SLC6A6: variants seen among roughly 807,000 people sequenced by gnomAD.
SLC6A6 encodes sodium- and chloride-dependent taurine transporter.
SLC6A6 carries 16 observed loss-of-function variants against 68.8 expected under a neutral mutation model. That is an observed-to-expected ratio of 0.23 (90% CI 0.16 to 0.35). The LOEUF (loss-of-function observed/expected upper bound fraction) is 0.35, where lower values mean the gene tolerates loss of function less well. SLC6A6 is among the 10% of genes least tolerant of loss of function. SLC6A6 has a pLI of 1.00. For synonymous variants in SLC6A6, 312 were observed against 315.4 expected (o/e 0.99, Z 0.12); for missense variants, 474 against 802.8 (o/e 0.59, Z 4.95).
Position 14,452,471 on chromosome 3 carries a change from G to A in SLC6A6, c.599+4655G>A, listed in dbSNP as rs539807864. On this transcript the variant is annotated intron_variant, in intron 5 of 14. Coordinates refer to ENST00000622186, the MANE Select transcript of SLC6A6 (RefSeq NM_003043.6). ...GCAAAGCTTCCAGCCCTGGCATTCA[G>A]CACTGCATCCTGCCTCCAGCTAACC... Among the ~76,000 whole-genome samples, 18 of 152,328 alleles carry A rather than the reference G, an allele frequency of 1.2e-4. No individual in the cohort carries two copies. The East Asian group carries it at 3.3e-3, about 28-fold the overall frequency.
In SLC6A6 at chr3:14,486,857, C is replaced by G. The variant is rs1449827087; in HGVS notation, c.*1850C>G. ...GGCAGGCATACATATTTCACTGTTTCCAAAGCTATCTACTCTGCCAAACAA... is the reference window on the plus strand; with the variant it reads ...GGCAGGCATACATATTTCACTGTTTGCAAAGCTATCTACTCTGCCAAACAA... On this transcript the variant is annotated 3_prime_UTR_variant, in exon 15 of 15. Coordinates refer to ENST00000622186, the MANE Select transcript of SLC6A6 (RefSeq NM_003043.6). 6.6e-6 allele frequency: 1 copy of G among 152,194 alleles called. No individual in the cohort carries two copies. The highest frequency in any genetic ancestry group is 1.5e-5 in the Non-Finnish European group (1 of 68,038). The allele number at this position is 152,194 out of a possible 1,614,324, so 9.4% of individuals were successfully genotyped here.
At chr3:14,445,942 G>T in intron 4 of SLC6A6, 91 bp downstream of exon 4, 1 of 1,325,946 alleles carries the variant, frequency 7.5e-7, no homozygotes, top group Non-Finnish European at 1.1e-6. Flanking sequence ...GTCCATTGGA[G>T]CCTCATGCAC....
At chr3:14,425,037 G>A (rs774104214) in intron 2 of SLC6A6, among the ~76,000 whole-genome samples, 2 of 152,188 alleles carry the variant, frequency 1.3e-5, no homozygotes, top group African/African-American at 2.4e-5. Flanking sequence ...AAGAAGGGGC[G>A]GAGTCAAGGT....
In SLC6A6 at chr3:14,468,479, G is replaced by A; in HGVS notation, c.1096+267G>A. The stretch of plus-strand genomic sequence containing the variant: ...GGGAATTTTTAGCTACCTTAGTGTG[G>A]TCTTCCCCGCCCCCCCGTCCTTCCC... On this transcript the variant is annotated intron_variant, in intron 9 of 14. Transcript: ENST00000622186. This position sits in a 1 kb window ranked among gnomAD's most constrained non-coding sequence, Gnocchi z 4.5. 6.6e-6 allele frequency among the ~76,000 whole-genome samples: 1 copy of A among 151,958 alleles called. No individual in the cohort carries two copies. The highest frequency in any genetic ancestry group is 2.1e-4 in the South Asian group (1 of 4,812).
intron 11 of SLC6A6, among the ~76,000 whole-genome samples, chr3:14,478,003 C>A (rs918412581): frequency 6.6e-6 from 1 of 151,732 alleles, no homozygotes; most frequent in African/African-American, 2.4e-5. Flanking sequence ...TGCCCCCCCC[C>A]ACCACCTCCC....
Position 14,477,367 on chromosome 3 carries a change from T to C in SLC6A6, c.1347+25T>C, listed in dbSNP as rs776725239. The C allele has an allele frequency of 1.5e-5, 24 of 1,612,082 alleles. No homozygotes were observed. The highest frequency in any genetic ancestry group is 1.6e-4 in the Middle Eastern group (1 of 6,064). On this transcript the variant is annotated intron_variant, in intron 11 of 14. Coordinates refer to ENST00000622186, the MANE Select transcript of SLC6A6 (RefSeq NM_003043.6). The surrounding 1 kb of genome is among the most constrained non-coding windows in gnomAD (Gnocchi z 4.2). ...GGTAGGTGGCTCTCTCAGCTGTGTTTCAGGCTTGGTGCTCCAGTGCCCTCC... is the reference window on the plus strand; with the variant it reads ...GGTAGGTGGCTCTCTCAGCTGTGTTCCAGGCTTGGTGCTCCAGTGCCCTCC...
intron 10 of SLC6A6, among the ~76,000 whole-genome samples, chr3:14,474,103 A>T (rs1700816405): frequency 6.6e-6 from 1 of 152,252 alleles, no homozygotes; most frequent in South Asian, 2.1e-4. Flanking sequence ...ATGACCTGCC[A>T]GGGACAAGGG....
At chr3:14,406,119 C>T (rs1344575946) in intron 1 of SLC6A6, among the ~76,000 whole-genome samples, 1 of 152,138 alleles carries the variant, frequency 6.6e-6, no homozygotes, top group Non-Finnish European at 1.5e-5. Flanking sequence ...GAACAGGTTC[C>T]CCGGGTCCTA....
rs770761525 is a variant in SLC6A6 at position 14,458,011 on chromosome 3, G to A, written c.661G>A (p.Ala221Thr). The A allele has an allele frequency of 7.4e-6, 12 of 1,613,558 alleles. No homozygotes were observed. Among genetic ancestry groups the A allele is most frequent in the African/African-American group, 5.3e-5 (4 of 74,912 alleles). ...DHPGSLKWDL[A>T]LCLLLVWLVC... ...CCCAGGCTCTCTGAAATGGGACCTC[G>A]CTCTCTGCCTTCTTTTAGTCTGGCT... Residue 221 changes from alanine to threonine, a missense_variant, in exon 6 of 15, where the codon GCT becomes ACT. Ala to Thr is a moderately conservative substitution (Grantham distance 58, BLOSUM62 0). Around this residue, in one of 2 missense-constraint regions of SLC6A6, gnomAD observed 280 missense variants for 533.1 expected, o/e 0.53. Transcript: ENST00000622186.
intron 14 of SLC6A6, among the ~76,000 whole-genome samples, chr3:14,484,656 C>T (rs1004174083): frequency 2.0e-5 from 3 of 152,198 alleles, no homozygotes; most frequent in Non-Finnish European, 4.4e-5. Context: ...ACAGGAATTC[C>T]GCCTTGAGTC....
At chr3:14,463,299 C>G (rs998933414) in intron 6 of SLC6A6, among the ~76,000 whole-genome samples, 3 of 152,230 alleles carry the variant, frequency 2.0e-5, no homozygotes, top group Non-Finnish European at 2.9e-5. Context: ...CCTGGCTCTT[C>G]TCAGTTGTCT....
chr3:14,417,829 A>G (rs1425728735), intron 2 of SLC6A6, among the ~76,000 whole-genome samples: 2 of 151,172 alleles, frequency 1.3e-5, no homozygotes, highest in East Asian at 3.9e-4. Flanking sequence ...TGATTCTGTT[A>G]TCTGTGGATC....
chr3:14,435,470 C>T (rs1196224661), intron 2 of SLC6A6, among the ~76,000 whole-genome samples: 5 of 152,202 alleles, frequency 3.3e-5, no homozygotes, highest in Non-Finnish European at 5.9e-5. Context: ...GTCCCAGAGA[C>T]GGCATGCTGA....
At chr3:14,484,464 T>C (rs1701089213) in intron 14 of SLC6A6, among the ~76,000 whole-genome samples, 1 of 152,164 alleles carries the variant, frequency 6.6e-6, no homozygotes, top group Non-Finnish European at 1.5e-5. Context: ...AAGACAGTTG[T>C]CCAACTCAGG....
chr3:14,407,117 A>C (rs1404265532), intron 1 of SLC6A6, among the ~76,000 whole-genome samples: 1 of 149,992 alleles, frequency 6.7e-6, no homozygotes, highest in Non-Finnish European at 1.5e-5. Context: ...TGGTGCCATC[A>C]CAGTTCACTG....
At chr3:14,418,045 A>G (rs887831499) in intron 2 of SLC6A6, among the ~76,000 whole-genome samples, 1 of 152,216 alleles carries the variant, frequency 6.6e-6, no homozygotes, top group Non-Finnish European at 1.5e-5. Context: ...CTGCGTGTGC[A>G]TGTACACAAA....
intron 6 of SLC6A6, 133 bp from the exon 7 acceptor site, chr3:14,466,383 A>G (rs901365327): frequency 9.9e-7 from 1 of 1,008,434 alleles, no homozygotes; most frequent in Non-Finnish European, 1.4e-6. Context: ...GCCGCACAGC[A>G]AGTAAGACAG....
At chr3:14,422,366 A>C (rs1395204111) in intron 2 of SLC6A6, among the ~76,000 whole-genome samples, 3 of 152,148 alleles carry the variant, frequency 2.0e-5, no homozygotes. Flanking sequence ...CTGATTCGCC[A>C]TGGAAAAAAG....
intron 2 of SLC6A6, among the ~76,000 whole-genome samples, chr3:14,441,226 G>C (rs1699976641): frequency 6.6e-6 from 1 of 152,060 alleles, no homozygotes; most frequent in Admixed American, 6.6e-5. Context: ...ATGAGCTTCT[G>C]GGTGAGGAGG....
Sources: allele counts gnomAD v4.1 joint callset (sites outside exome capture counted in the v4.1 genomes callset), GRCh38; gene constraint gnomAD v4.1.1; regional missense constraint gnomAD v4.1.1; non-coding constraint Gnocchi (gnomAD v3.1); transcripts MANE v1.5; gene names NCBI Gene and HGNC (gene_info 2026-07-23, HGNC 2026-07-21).